The following PABPC4L variants were observed in gnomAD, a reference collection of about 807,000 sequenced individuals.
PABPC4L encodes the protein polyadenylate-binding protein 4-like.
For missense variants in PABPC4L, 452 were observed against 451.4 expected, an observed-to-expected ratio of 1.00 and a Z score of -0.01; for synonymous variants, 169 against 164.1, an observed-to-expected ratio of 1.03 and a Z score of -0.23.
At chr4:134,113,265 T>G in the PABPC4L span, among the ~76,000 whole-genome samples, 1 of 151,926 alleles carries the variant, frequency 6.6e-6, no homozygotes, top group Non-Finnish European at 1.5e-5. Context: ...TAGGGTACAA[T>G]AATGTCCTAG....
At chr4:133,988,522 A>G in the PABPC4L span, among the ~76,000 whole-genome samples, 1 of 152,194 alleles carries the variant, frequency 6.6e-6, no homozygotes, top group African/African-American at 2.4e-5. Context: ...CTTTAACCCC[A>G]TGTCTCACAT....
the PABPC4L span, among the ~76,000 whole-genome samples, chr4:134,061,620 CAG>C: frequency 0.017 from 2,504 of 143,344 alleles, 20 homozygotes; most frequent in African/African-American, 0.022. Flanking sequence ...CAAACATACA[CAG>C]AGAGAGAGAG....
At chr4:134,008,583 C>T in the PABPC4L span, among the ~76,000 whole-genome samples, 1 of 151,624 alleles carries the variant, frequency 6.6e-6, no homozygotes, top group African/African-American at 2.4e-5. Flanking sequence ...CAGAGGAATA[C>T]AGTTCAAAAT....
At chr4:133,971,106 C>CTTTTTTTT in the PABPC4L span, among the ~76,000 whole-genome samples, 23 of 63,948 alleles carry the variant, frequency 3.6e-4, no homozygotes, top group African/African-American at 7.1e-4. Flanking sequence ...ATCTTATATT[C>CTTTTTTTT]TTTTTTTTTT....
chr4:134,201,466 A>T (rs1169276099), intron 1 of PABPC4L, among the ~76,000 whole-genome samples: 3 of 151,982 alleles, frequency 2.0e-5, no homozygotes, highest in Admixed American at 6.5e-5. Flanking sequence ...CCAGCCGTGG[A>T]GTATGGGCTG....
chr4:134,119,789 T>C, the PABPC4L span, among the ~76,000 whole-genome samples: 2 of 151,730 alleles, frequency 1.3e-5, no homozygotes, highest in African/African-American at 2.4e-5. Flanking sequence ...ATACTCTTTA[T>C]ATTTTTAAGA....
chr4:133,972,571 G>C, the PABPC4L span, among the ~76,000 whole-genome samples: 1 of 152,082 alleles, frequency 6.6e-6, no homozygotes, highest in African/African-American at 2.4e-5. Context: ...TGATGATGCA[G>C]ACATAATAAG....
the PABPC4L span, among the ~76,000 whole-genome samples, chr4:134,028,389 A>G: frequency 6.7e-6 from 1 of 149,934 alleles, no homozygotes; most frequent in Admixed American, 6.6e-5. Flanking sequence ...TTCATTTTCT[A>G]TGTGCTCTGC....
chr4:134,103,439 C>T, the PABPC4L span, among the ~76,000 whole-genome samples: 1 of 151,626 alleles, frequency 6.6e-6, no homozygotes, highest in Non-Finnish European at 1.5e-5. Context: ...GGCCTCTCAT[C>T]TCGTCTTGTA....
chr4:134,119,869 T>C, the PABPC4L span, among the ~76,000 whole-genome samples: 2 of 151,896 alleles, frequency 1.3e-5, no homozygotes, highest in East Asian at 3.9e-4. Context: ...AACATTATGT[T>C]TGGGAGATAT....
chr4:134,117,196 A>G, the PABPC4L span, among the ~76,000 whole-genome samples: 2 of 151,812 alleles, frequency 1.3e-5, no homozygotes, highest in Non-Finnish European at 2.9e-5. Context: ...TACCATGGTG[A>G]GAGGGGTCCT....
the PABPC4L span, among the ~76,000 whole-genome samples, chr4:133,954,200 T>G: frequency 3.3e-5 from 5 of 152,220 alleles, no homozygotes; most frequent in Admixed American, 3.3e-4. Flanking sequence ...CCCCCTGATC[T>G]TCCTGTTCTT....
At chr4:134,026,428 G>T in the PABPC4L span, among the ~76,000 whole-genome samples, 1 of 151,764 alleles carries the variant, frequency 6.6e-6, no homozygotes, top group Non-Finnish European at 1.5e-5. Context: ...TAGTAGAGAT[G>T]GGGTTTCACC....
At chr4:134,171,725 G>A in the PABPC4L span, among the ~76,000 whole-genome samples, 1 of 152,082 alleles carries the variant, frequency 6.6e-6, no homozygotes, top group Non-Finnish European at 1.5e-5. Context: ...AAGTAAAACT[G>A]TCTTTGTTTG....
the PABPC4L span, among the ~76,000 whole-genome samples, chr4:134,181,905 A>G: frequency 6.6e-6 from 1 of 151,920 alleles, no homozygotes; most frequent in Admixed American, 6.6e-5. Flanking sequence ...TTCCATGCTC[A>G]TAGATAGGAA....
At chr4:133,977,950 A>C in the PABPC4L span, 1 of 152,176 alleles carries the variant, frequency 6.6e-6, no homozygotes, top group Non-Finnish European at 1.5e-5. Context: ...TTGGGTAGAA[A>C]GGCATAAACA....
At chr4:133,954,339 C>T in the PABPC4L span, among the ~76,000 whole-genome samples, 1 of 152,242 alleles carries the variant, frequency 6.6e-6, no homozygotes, top group South Asian at 2.1e-4. Flanking sequence ...TTACCTGATT[C>T]AACAAAGAGC....
the PABPC4L span, among the ~76,000 whole-genome samples, chr4:134,084,702 A>G: frequency 6.6e-6 from 1 of 152,144 alleles, no homozygotes; most frequent in African/African-American, 2.4e-5. Flanking sequence ...GAAAGATCAG[A>G]GAAAGGGAAG....
At chr4:133,982,242 T>C in the PABPC4L span, among the ~76,000 whole-genome samples, 73,158 of 151,832 alleles carry the variant, frequency 0.48, 19,391 homozygotes, top group African/African-American at 0.68. Context: ...AGCTTATTTT[T>C]TTAATAGTGT....
Sources: gnomAD v4.1 joint callset for allele counts (sites outside exome capture counted in the v4.1 genomes callset) on GRCh38, gnomAD v4.1.1 for gene constraint, MANE v1.5 for transcripts, NCBI Gene and HGNC (gene_info 2026-07-23, HGNC 2026-07-21) for gene names.